MS4A6A: variants seen among roughly 807,000 people sequenced by gnomAD.
MS4A6A encodes membrane-spanning 4-domains subfamily A member 6A.
Under a neutral mutation model 20.6 loss-of-function variants are expected in MS4A6A, and 19 were observed. The observed-to-expected ratio is 0.92, with a 90% CI of 0.64 to 1.36. MS4A6A has a LOEUF of 1.36. Ranked by LOEUF, MS4A6A falls within the 40% of genes most tolerant of loss-of-function variation. The probability of loss-of-function intolerance (pLI) is 0.00; values close to 1 mark genes in which losing one functional copy is unlikely to be tolerated. For missense variants in MS4A6A, 272 were observed against 261.1 expected, an observed-to-expected ratio of 1.04 and a Z score of -0.29; for synonymous variants, 108 against 105.0, an observed-to-expected ratio of 1.03 and a Z score of -0.17.
At chr11:60,178,788 C>A (rs1323964270) in intron 3 of MS4A6A, 1 of 438,956 alleles carries the variant, frequency 2.3e-6, no homozygotes, top group South Asian at 1.6e-5. Context: ...GAAAATGGTG[C>A]TTTACCTCAT....
At chr11:60,172,293 C>T, downstream of MS4A6A, 2 of 1,605,958 alleles carry the variant, frequency 1.2e-6, no homozygotes, top group Non-Finnish European at 1.7e-6. Flanking sequence ...AGACTTCAAT[C>T]AGGTTCAAGA....
rs1350669395 is a variant in MS4A6A, at chr11:60,173,009, A to G, written c.670T>C (p.Phe224Leu). The change falls in exon 6 of 6, where the codon TTC (phenylalanine) becomes CTC (leucine). Residue 224 changes from phenylalanine to leucine, a missense_variant. Phe to Leu is a conservative substitution (Grantham distance 22, BLOSUM62 0). Coordinates refer to ENST00000528851, the MANE Select transcript of MS4A6A (RefSeq NM_022349.4). ...DFPGVSVLAG[F>L]T is the part of the protein sequence containing the mutation. ...AGATACACTAGGCAAGGTTAAGTGA[A>G]GCCGGCCAGCACACTCACCCCAGGG... The G allele has an allele frequency of 3.7e-6, 6 of 1,613,902 alleles. No individual in the cohort carries two copies. The highest frequency in any genetic ancestry group is 1.6e-4 in the Middle Eastern group (1 of 6,084).
chr11:60,174,326 CTTT>C (rs5792171), intron 5 of MS4A6A, among the ~76,000 whole-genome samples: 8 of 142,006 alleles, frequency 5.6e-5, no homozygotes, highest in Non-Finnish European at 7.7e-5. Flanking sequence ...TTCTTTATTC[CTTT>C]TTTTTTTTTT....
At chr11:60,178,657 TA>T (rs140049004) in intron 3 of MS4A6A, 4,066 of 260,062 alleles carry the variant, frequency 0.016, 44 homozygotes, top group East Asian at 0.099. Flanking sequence ...AAGCAATGGT[TA>T]AAAAAAAAAG....
intron 4 of MS4A6A, 121 bp from the exon 5 acceptor site, chr11:60,175,732 T>A (rs1356771798): frequency 9.8e-7 from 1 of 1,018,024 alleles, no homozygotes; most frequent in Non-Finnish European, 1.4e-6. Context: ...GGATTGATCA[T>A]TTATTGCTGT....
At chr11:60,177,578 G>GT (rs148700655) in intron 4 of MS4A6A, among the ~76,000 whole-genome samples, 50,547 of 151,902 alleles carry the variant, frequency 0.33, 8,997 homozygotes, top group South Asian at 0.5. Context: ...TTGTTGTTTT[G>GT]TTTTTTTGTT....
In MS4A6A at chr11:60,172,754, C is replaced by T; in HGVS notation, c.*247G>A. Reference sequence around the variant, plus strand: ...AATGCCAGGCCAGTCATTTAACTTCCCAGAGTCTCATTCCCTTCGCTGACA... The same window carrying T: ...AATGCCAGGCCAGTCATTTAACTTCTCAGAGTCTCATTCCCTTCGCTGACA... On this transcript the variant is annotated 3_prime_UTR_variant, in exon 6 of 6. Transcript: ENST00000528851. The T allele has an allele frequency of 7.9e-7, 1 of 1,273,226 alleles. No individual in the cohort carries two copies. The allele number at this position is 1,273,226 out of a possible 1,614,324, so 78.9% of individuals were successfully genotyped here.
Position 60,175,369 on chromosome 11 carries a change from T to C in MS4A6A, c.549+33A>G, listed in dbSNP as rs201474896. ...GAAATCAAGGCTTTTGAATACCTCATAAGATTAGAACATCCCATCTAAAAA... is the reference window on the plus strand; with the variant it reads ...GAAATCAAGGCTTTTGAATACCTCACAAGATTAGAACATCCCATCTAAAAA... On this transcript the variant is annotated intron_variant, in intron 5 of 5. Transcript: ENST00000528851. 3 of 1,514,926 alleles carry C rather than the reference T, an allele frequency of 2.0e-6. No homozygotes were observed. The African/African-American group carries it at 4.1e-5, about 21-fold the overall frequency. 93.8% of individuals were successfully genotyped at this position (1,514,926 alleles called of 1,614,324 possible). A position where few individuals can be genotyped will look rare whatever the true frequency, so the allele number is the denominator to read the frequency against.
downstream of MS4A6A, chr11:60,172,300 A>G (rs1201136324): frequency 1.2e-6 from 2 of 1,603,218 alleles, no homozygotes; most frequent in Admixed American, 3.4e-5. Context: ...AATCAGGTTC[A>G]AGATAGATGT....
upstream of MS4A6A, chr11:60,183,266 C>A: frequency 8.0e-7 from 1 of 1,243,162 alleles, no homozygotes; most frequent in South Asian, 1.3e-5. Context: ...GTGTGAATTG[C>A]CACTTCGAGA....
intron 2 of MS4A6A, chr11:60,180,603 C>G (rs1857082434): frequency 6.0e-6 from 1 of 165,376 alleles, no homozygotes; most frequent in Admixed American, 6.0e-5. Flanking sequence ...AGGTATTAAG[C>G]CTAGTATCCA....
chr11:60,175,349 C>T, intron 5 of MS4A6A, 53 bp downstream of exon 5: 1 of 1,424,784 alleles, frequency 7.0e-7, no homozygotes, highest in Non-Finnish European at 9.7e-7. Flanking sequence ...AACAAGAAAT[C>T]AAGGCTTTTG....
At position 60,172,709 on chromosome 11, in the gene MS4A6A, A is replaced by C; in HGVS notation, c.*292T>G. On this transcript the variant is annotated 3_prime_UTR_variant, in exon 6 of 6. Transcript: ENST00000528851. The stretch of plus-strand genomic sequence containing the variant: ...AAGCCAGGTTCTAGTGTCCTCAGCA[A>C]AGGCACAAACTCATAGCATAATGCC... The C allele has an allele frequency of 8.2e-7, 1 of 1,215,032 alleles. No homozygotes were observed. The highest frequency in any genetic ancestry group is 1.0e-6 in the Non-Finnish European group (1 of 962,630). The allele number at this position is 1,215,032 out of a possible 1,614,324, so 75.3% of individuals were successfully genotyped here. A position where few individuals can be genotyped will look rare whatever the true frequency, so the allele number is the denominator to read the frequency against.
At chr11:60,179,798 C>T (rs1244452240) in intron 3 of MS4A6A, 33 bp downstream of exon 3, 1 of 1,613,294 alleles carries the variant, frequency 6.2e-7, no homozygotes, top group Non-Finnish European at 8.5e-7. Flanking sequence ...CCCCTCTTTG[C>T]CCCATCCTGC....
At chr11:60,179,560 C>A in intron 3 of MS4A6A, 1 of 567,822 alleles carries the variant, frequency 1.8e-6, no homozygotes, top group Non-Finnish European at 3.1e-6. Flanking sequence ...TTCGCCTAAA[C>A]CTGGAGAGAA....
Position 60,172,627 on chromosome 11 carries a change from A to G in MS4A6A, c.*374T>C. 8.8e-7 allele frequency: 1 copy of G among 1,136,162 alleles called. No homozygotes were observed. The highest frequency in any genetic ancestry group is 1.1e-6 in the Non-Finnish European group (1 of 920,436). 70.4% of individuals were successfully genotyped at this position (1,136,162 alleles called of 1,614,324 possible). A position where few individuals can be genotyped will look rare whatever the true frequency, so the allele number is the denominator to read the frequency against. ...TGTGTAAATGCCCTTTACCAAGTCA[A>G]TACTATTAAAGAGACTAGTGGTTGT... On this transcript the variant is annotated 3_prime_UTR_variant, in exon 6 of 6. Transcript: ENST00000528851.
chr11:60,181,179 G>T, intron 2 of MS4A6A: 1 of 388,174 alleles, frequency 2.6e-6, no homozygotes, highest in Non-Finnish European at 5.0e-6. Flanking sequence ...AAAAGGAGTT[G>T]TATATTTCCT....
intron 5 of MS4A6A, 115 bp downstream of exon 5, chr11:60,175,287 T>C: frequency 1.3e-6 from 1 of 799,702 alleles, no homozygotes; most frequent in East Asian, 2.7e-5. Flanking sequence ...AACCTGGCTT[T>C]CCCCCAGATG....
chr11:60,184,608 GT>G (rs1272199125), upstream of MS4A6A: 1 of 152,192 alleles, frequency 6.6e-6, no homozygotes, highest in African/African-American at 2.4e-5. Flanking sequence ...TCATTTCTGA[GT>G]TTTAAGGATT....
Sources: gnomAD v4.1 joint callset for allele counts (sites outside exome capture counted in the v4.1 genomes callset) on GRCh38, gnomAD v4.1.1 for gene constraint, MANE v1.5 for transcripts, NCBI Gene and HGNC (gene_info 2026-07-23, HGNC 2026-07-21) for gene names.